The following POLA1 variants were observed in gnomAD, a reference collection of about 807,000 sequenced individuals.
The protein encoded by POLA1 is DNA polymerase alpha catalytic subunit.
POLA1 carries 15 observed loss-of-function variants against 124.0 expected under a neutral mutation model. That is an observed-to-expected ratio of 0.12 (90% CI 0.08 to 0.19). The LOEUF (loss-of-function observed/expected upper bound fraction) is 0.19, where lower values mean the gene tolerates loss of function less well. POLA1 is among the 10% of genes least tolerant of loss of function. The probability of loss-of-function intolerance (pLI) is 1.00; values close to 1 mark genes in which losing one functional copy is unlikely to be tolerated. For synonymous variants in POLA1, 408 were observed against 389.4 expected (o/e 1.05, Z -0.56); for missense variants, 886 against 1,103.4 (o/e 0.80, Z 2.79).
chrX:24,908,504 C>T (rs900385523), intron 35 of POLA1, among the ~76,000 whole-genome samples: 10 of 105,872 alleles, frequency 9.4e-5, no homozygotes, highest in Admixed American at 8.3e-4. Flanking sequence ...TTTGTCCTTG[C>T]GATAGTTTGC....
chrX:24,788,984 A>G, intron 26 of POLA1: 1 of 1,209,931 alleles, frequency 8.3e-7, no homozygotes. Context: ...TTGTGATGGC[A>G]CATACCCCTC....
At chrX:24,796,265 G>T (rs1432634062) in intron 26 of POLA1, among the ~76,000 whole-genome samples, 1 of 111,447 alleles carries the variant, frequency 9.0e-6, no homozygotes, top group African/African-American at 3.3e-5. Context: ...TGTAGTTTTG[G>T]TTGCACATGA....
chrX:24,983,478 C>T (rs1018193068), intron 36 of POLA1, among the ~76,000 whole-genome samples: 1 of 111,791 alleles, frequency 8.9e-6, no homozygotes, highest in Non-Finnish European at 1.9e-5. Flanking sequence ...GAAGCCCAAA[C>T]GCAATTTATT....
At chrX:24,928,570 A>G (rs890082719) in intron 35 of POLA1, among the ~76,000 whole-genome samples, 5 of 112,395 alleles carry the variant, frequency 4.4e-5, no homozygotes, top group African/African-American at 1.6e-4. Context: ...ACATAAAAAT[A>G]TAATGGCTAA....
At chrX:24,812,288 C>CATA (rs770533596) in intron 28 of POLA1, among the ~76,000 whole-genome samples, 1 of 112,411 alleles carries the variant, frequency 8.9e-6, no homozygotes, top group Non-Finnish European at 1.9e-5. Context: ...ACTGTCTATT[C>CATA]ACTAACTAAC....
At chrX:24,706,996 A>G (rs1928857373) in intron 4 of POLA1, among the ~76,000 whole-genome samples, 1 of 112,356 alleles carries the variant, frequency 8.9e-6, no homozygotes, top group African/African-American at 3.2e-5. Flanking sequence ...TTATTTATTC[A>G]TTGATTTATT....
intron 26 of POLA1, among the ~76,000 whole-genome samples, chrX:24,770,304 C>G (rs2045003602): frequency 9.0e-6 from 1 of 110,572 alleles, no homozygotes. Flanking sequence ...AAGAAATTGC[C>G]CTGTGAACAA....
At chrX:24,769,835 C>T (rs975681347) in intron 26 of POLA1, among the ~76,000 whole-genome samples, 2 of 112,102 alleles carry the variant, frequency 1.8e-5, no homozygotes. Context: ...CTGCTATCCA[C>T]GTACAGTACT....
intron 35 of POLA1, among the ~76,000 whole-genome samples, chrX:24,923,678 T>A (rs1182116331): frequency 8.9e-6 from 1 of 112,173 alleles, no homozygotes; most frequent in African/African-American, 3.2e-5. Context: ...AAGCGGCTGA[T>A]TAATGAAGTG....
chrX:24,921,908 G>GTGTGTGTGTGT (rs1569363662), intron 35 of POLA1, among the ~76,000 whole-genome samples: 3 of 110,568 alleles, frequency 2.7e-5, no homozygotes, highest in Admixed American at 9.7e-5. Context: ...GTGTGTGTGT[G>GTGTGTGTGTGT]ATGGGGGTGG....
At chrX:24,944,212 T>C in intron 36 of POLA1, among the ~76,000 whole-genome samples, 1 of 112,085 alleles carries the variant, frequency 8.9e-6, no homozygotes, top group Non-Finnish European at 1.9e-5. Context: ...ATAGTGGCTT[T>C]CCATTGAGGT....
At chrX:24,798,207 G>A (rs1385416805) in intron 26 of POLA1, among the ~76,000 whole-genome samples, 1 of 111,575 alleles carries the variant, frequency 9.0e-6, no homozygotes, top group Non-Finnish European at 1.9e-5. Flanking sequence ...AAATTTCTCT[G>A]GATTCTTCCC....
intron 35 of POLA1, among the ~76,000 whole-genome samples, chrX:24,899,724 T>C (rs11573464): frequency 1.4e-4 from 16 of 111,282 alleles, no homozygotes; most frequent in African/African-American, 5.2e-4. Context: ...GATAATACAC[T>C]CGTTATTTCT....
chrX:24,835,889 C>T (rs1205891547), intron 32 of POLA1, among the ~76,000 whole-genome samples: 1 of 111,706 alleles, frequency 9.0e-6, no homozygotes, highest in Non-Finnish European at 1.9e-5. Flanking sequence ...ATTTTCTCAC[C>T]TTTCCAAGTG....
At chrX:24,744,306 C>CT (rs1444974866) in intron 23 of POLA1, 10 of 216,249 alleles carry the variant, frequency 4.6e-5, no homozygotes, top group Non-Finnish European at 8.4e-5. Flanking sequence ...TGTTTAACCT[C>CT]TGTAAGCCTC....
chrX:24,809,951 T>C, intron 27 of POLA1, 21 bp downstream of exon 27: 1 of 999,168 alleles, frequency 1.0e-6, no homozygotes. Context: ...GCATTTTCAT[T>C]GTGTAAAACT....
At chrX:24,735,586 C>A in intron 18 of POLA1, 98 bp downstream of exon 18, 1 of 511,811 alleles carries the variant, frequency 2.0e-6, no homozygotes, top group East Asian at 3.6e-5. Flanking sequence ...ATAATCTTTT[C>A]AGAGTAAAAT....
At chrX:24,896,495 G>A (rs772636426) in intron 35 of POLA1, among the ~76,000 whole-genome samples, 1 of 111,065 alleles carries the variant, frequency 9.0e-6, no homozygotes, top group Non-Finnish European at 1.9e-5. Flanking sequence ...GTTTTTTTGC[G>A]ATTTTGCTGT....
chrX:24,727,751 C>CTATTGATCTGTTGTATCTATT, intron 14 of POLA1, 31 bp from the exon 15 acceptor site: 1 of 1,133,203 alleles, frequency 8.8e-7, no homozygotes, highest in South Asian at 2.1e-5. Flanking sequence ...CAGTAAATAG[C>CTATTGATCTGTTGTATCTATT]TATTGATCTG....
Sources: allele counts gnomAD v4.1 joint callset (sites outside exome capture counted in the v4.1 genomes callset), GRCh38; gene constraint gnomAD v4.1.1; transcripts MANE v1.5; gene names NCBI Gene and HGNC (gene_info 2026-07-23, HGNC 2026-07-21).